Variants in AGBL4 observed in about 807,000 individuals in gnomAD.
AGBL4 encodes the protein cytosolic carboxypeptidase 6.
AGBL4 carries 58 observed loss-of-function variants against 66.4 expected under a neutral mutation model. The ratio of observed to expected loss-of-function variants is 0.87; its 90% CI spans 0.71 to 1.09. The LOEUF (loss-of-function observed/expected upper bound fraction) is 1.09. AGBL4 is among the 50% of genes least tolerant of loss of function. AGBL4 has a pLI of 0.00. For missense variants in AGBL4, 579 were observed against 631.0 expected (o/e 0.92, Z 0.88); for synonymous variants, 234 against 222.9 (o/e 1.05, Z -0.44).
intron 6 of AGBL4, among the ~76,000 whole-genome samples, chr1:48,672,047 T>C (rs1014802901): frequency 6.6e-6 from 1 of 152,234 alleles, no homozygotes; most frequent in African/African-American, 2.4e-5. Context: ...AAGGAGGGCA[T>C]GGAGAGGTGA....
intron 1 of AGBL4, among the ~76,000 whole-genome samples, chr1:49,972,163 C>G (rs749786201): frequency 6.6e-6 from 1 of 151,592 alleles, no homozygotes; most frequent in Non-Finnish European, 1.5e-5. Flanking sequence ...ATGATCCAGG[C>G]CTCCCAAAGT....
chr1:48,760,096 A>G (rs1372287898), intron 6 of AGBL4, among the ~76,000 whole-genome samples: 1 of 152,150 alleles, frequency 6.6e-6, no homozygotes, highest in Non-Finnish European at 1.5e-5. Flanking sequence ...TCTAACTTCC[A>G]GTACAAGGCT....
intron 5 of AGBL4, among the ~76,000 whole-genome samples, chr1:48,875,508 C>A (rs1239408484): frequency 6.6e-6 from 1 of 152,124 alleles, no homozygotes; most frequent in Non-Finnish European, 1.5e-5. Flanking sequence ...GCAAACAAAA[C>A]CTCAGCTGCA....
At chr1:49,736,691 T>G (rs534566727) in intron 2 of AGBL4, among the ~76,000 whole-genome samples, 1 of 152,098 alleles carries the variant, frequency 6.6e-6, no homozygotes, top group Non-Finnish European at 1.5e-5. Flanking sequence ...CTAAAGAGTT[T>G]CTGCACAGCA....
In AGBL4 at chr1:49,813,274, A is replaced by T. The variant is rs189087097; in HGVS notation, c.157+38122T>A. Among the ~76,000 whole-genome samples, 36 of 152,302 alleles carry T rather than the reference A, an allele frequency of 2.4e-4. 1 individual carries two copies. The highest frequency in any genetic ancestry group is 7.7e-4 in the African/African-American group (32 of 41,566). ...GCATTAAAAACAATATGATGATATT[A>T]AGAAAAACATTAAAAATTGTATTAA... On this transcript the variant is annotated intron_variant, in intron 2 of 13. Coordinates refer to ENST00000371839, the MANE Select transcript of AGBL4 (RefSeq NM_032785.4).
Position 48,776,830 on chromosome 1 carries a change from A to G in AGBL4, c.634+90361T>C, listed in dbSNP as rs911229401. 5.6e-5 allele frequency: 84 copies of G among 1,488,536 alleles called. 1 individual carries two copies. The highest frequency in any genetic ancestry group is 6.2e-5 in the Non-Finnish European group (69 of 1,119,916). The allele number at this position is 1,488,536 out of a possible 1,614,324, so 92.2% of individuals were successfully genotyped here. ...CTCCAGGAACCGCACAAAGGCGTAC[A>G]TGGTGGGCGCCGGGGGCGGGCCCCG... is the stretch of plus-strand genomic sequence containing the variant. On this transcript the variant is annotated intron_variant, in intron 6 of 13. Transcript: ENST00000371839.
intron 2 of AGBL4, among the ~76,000 whole-genome samples, chr1:49,735,620 A>G (rs1340070134): frequency 1.3e-5 from 2 of 152,154 alleles, no homozygotes; most frequent in Non-Finnish European, 2.9e-5. Flanking sequence ...TTTACAAGAT[A>G]CAGAAAAATT....
chr1:48,931,154 G>A (rs17367865), intron 5 of AGBL4, among the ~76,000 whole-genome samples: 54,098 of 152,074 alleles, frequency 0.36, 12,131 homozygotes, highest in Non-Finnish European at 0.5. Context: ...ACACTGAGAT[G>A]TAGAAACTAA....
At chr1:50,000,896 C>T (rs993168064) in intron 1 of AGBL4, among the ~76,000 whole-genome samples, 6 of 151,788 alleles carry the variant, frequency 4.0e-5, no homozygotes, top group East Asian at 1.9e-4. Flanking sequence ...AATGGACTTT[C>T]GGGACTCAGG....
chr1:49,774,120 A>G (rs1644135858), intron 2 of AGBL4, among the ~76,000 whole-genome samples: 1 of 152,102 alleles, frequency 6.6e-6, no homozygotes, highest in African/African-American at 2.4e-5. Flanking sequence ...TGTCAAGGAA[A>G]TTTCTCTTCC....
At chr1:49,264,483 T>G (rs1490127356) in intron 3 of AGBL4, among the ~76,000 whole-genome samples, 1 of 152,170 alleles carries the variant, frequency 6.6e-6, no homozygotes, top group Admixed American at 6.5e-5. Context: ...TATGTTTGGG[T>G]TTATCTCTGG....
intron 9 of AGBL4, among the ~76,000 whole-genome samples, chr1:48,600,068 A>G (rs1373499121): frequency 1.3e-5 from 2 of 152,194 alleles, no homozygotes; most frequent in Non-Finnish European, 2.9e-5. Flanking sequence ...TATGAAAACC[A>G]TGAACAACAA....
At chr1:49,108,122 T>G (rs1425695758) in intron 4 of AGBL4, among the ~76,000 whole-genome samples, 1 of 152,232 alleles carries the variant, frequency 6.6e-6, no homozygotes, top group Non-Finnish European at 1.5e-5. Flanking sequence ...TTCAACCCTC[T>G]GCACTGTAAG....
intron 3 of AGBL4, among the ~76,000 whole-genome samples, chr1:49,494,407 C>T (rs886238561): frequency 1.3e-5 from 2 of 151,886 alleles, no homozygotes; most frequent in African/African-American, 4.8e-5. Flanking sequence ...GTATATCTCC[C>T]AATGCTATCC....
chr1:49,828,963 G>A (rs1354052130), intron 2 of AGBL4, among the ~76,000 whole-genome samples: 1 of 152,066 alleles, frequency 6.6e-6, no homozygotes, highest in Non-Finnish European at 1.5e-5. Context: ...CAGCTACTCG[G>A]GAGGCTGAGG....
intron 5 of AGBL4, among the ~76,000 whole-genome samples, chr1:48,897,488 C>T (rs993804454): frequency 1.1e-4 from 16 of 152,106 alleles, no homozygotes; most frequent in African/African-American, 2.7e-4. Context: ...CTTTTGGATA[C>T]GTATTCAGTA....
At chr1:49,670,494 A>G (rs999990628) in intron 3 of AGBL4, among the ~76,000 whole-genome samples, 1 of 152,182 alleles carries the variant, frequency 6.6e-6, no homozygotes, top group Non-Finnish European at 1.5e-5. Flanking sequence ...ACAGAAATTT[A>G]AAGGGATCCT....
At chr1:49,527,689 T>C (rs1014242440) in intron 3 of AGBL4, 1 of 152,124 alleles carries the variant, frequency 6.6e-6, no homozygotes, top group Non-Finnish European at 1.5e-5. Flanking sequence ...AGCCATCCCT[T>C]TGGGGAATTT....
intron 3 of AGBL4, among the ~76,000 whole-genome samples, chr1:49,486,960 G>A (rs998422017): frequency 1.3e-5 from 2 of 151,836 alleles, no homozygotes; most frequent in African/African-American, 4.8e-5. Context: ...TGCATACCTC[G>A]TCCTCCAAAT....
Sources: gnomAD v4.1 joint callset for allele counts (sites outside exome capture counted in the v4.1 genomes callset) on GRCh38, gnomAD v4.1.1 for gene constraint, MANE v1.5 for transcripts, NCBI Gene and HGNC (gene_info 2026-07-23, HGNC 2026-07-21) for gene names.